CNBD1: variants seen among roughly 807,000 people sequenced by gnomAD.
CNBD1 encodes cyclic nucleotide-binding domain-containing protein 1.
A neutral mutation model predicts 54.4 loss-of-function variants in CNBD1; 71 were observed. The ratio of observed to expected loss-of-function variants is 1.30; its 90% CI spans 1.08 to 1.59. The LOEUF is 1.59. Ranked by LOEUF, CNBD1 falls within the 40% of genes most tolerant of loss-of-function variation. CNBD1 has a pLI of 0.00. For missense variants in CNBD1, 659 were observed against 518.0 expected (o/e 1.27, Z -2.64); for synonymous variants, 182 against 170.7 (o/e 1.07, Z -0.51).
At chr8:87,211,300 A>C (rs1158333390) in intron 5 of CNBD1, among the ~76,000 whole-genome samples, 1 of 152,122 alleles carries the variant, frequency 6.6e-6, no homozygotes, top group Non-Finnish European at 1.5e-5. Context: ...ATGGATTCAA[A>C]CTCAGATAAG....
intron 8 of CNBD1, among the ~76,000 whole-genome samples, chr8:87,328,562 TA>T (rs940777895): frequency 6.6e-6 from 1 of 152,046 alleles, no homozygotes; most frequent in African/African-American, 2.4e-5. Context: ...TCTTCTTTTT[TA>T]TCAAGATTGT....
chr8:87,007,928 T>A (rs931058000), intron 4 of CNBD1, among the ~76,000 whole-genome samples: 1 of 152,154 alleles, frequency 6.6e-6, no homozygotes, highest in African/African-American at 2.4e-5. Flanking sequence ...ACGTAATTCA[T>A]GTATGGGTAA....
At chr8:86,997,344 A>G (rs533321336) in intron 4 of CNBD1, among the ~76,000 whole-genome samples, 1 of 152,286 alleles carries the variant, frequency 6.6e-6, no homozygotes, top group East Asian at 1.9e-4. Flanking sequence ...TGCTGTTTTC[A>G]TCTTGCTCTT....
At chr8:87,118,514 A>T (rs927665066) in intron 4 of CNBD1, among the ~76,000 whole-genome samples, 4 of 152,132 alleles carry the variant, frequency 2.6e-5, no homozygotes, top group Admixed American at 6.6e-5. Context: ...CAGAAGGCAC[A>T]ATCAGTAGAG....
chr8:87,374,812 G>A (rs1022119207), intron 10 of CNBD1, among the ~76,000 whole-genome samples: 1 of 150,160 alleles, frequency 6.7e-6, no homozygotes, highest in Admixed American at 6.6e-5. Flanking sequence ...GAATTGCTCA[G>A]AAAAATAGCT....
Position 87,279,497 on chromosome 8 carries a change from T to C in CNBD1, c.772-5181T>C, listed in dbSNP as rs544875670. Among the ~76,000 whole-genome samples the C allele has an allele frequency of 1.8e-3, 270 of 151,490 alleles. 1 individual carries two copies. Among genetic ancestry groups the C allele is most frequent in the African/African-American group, 6.1e-3 (254 of 41,474 alleles). On this transcript the variant is annotated intron_variant, in intron 6 of 10. Transcript: ENST00000518476. ...TACCCTGTATGATTACCCACCTTAT[T>C]AGAAGGATACAGAAAGTTGCAAAGT...
intron 4 of CNBD1, among the ~76,000 whole-genome samples, chr8:86,956,571 G>A (rs1002424389): frequency 6.6e-6 from 1 of 152,064 alleles, no homozygotes; most frequent in African/African-American, 2.4e-5. Flanking sequence ...GGATTCCTAG[G>A]TATTTTATTC....
At chr8:87,006,621 C>T (rs1809103326) in intron 4 of CNBD1, among the ~76,000 whole-genome samples, 1 of 152,000 alleles carries the variant, frequency 6.6e-6, no homozygotes, top group Non-Finnish European at 1.5e-5. Context: ...GTAGGTGCCA[C>T]ACACTTTAAA....
At chr8:87,208,038 C>G (rs1814014935) in intron 5 of CNBD1, among the ~76,000 whole-genome samples, 1 of 152,104 alleles carries the variant, frequency 6.6e-6, no homozygotes, top group Non-Finnish European at 1.5e-5. Flanking sequence ...TCTCCTTTTT[C>G]TTTATTCATG....
rs1811107403 is a variant in CNBD1 at position 87,382,761 on chromosome 8, G to A, written c.*134G>A. The A allele has an allele frequency of 1.8e-6, 1 of 540,754 alleles. No individual in the cohort carries two copies. The highest frequency in any genetic ancestry group is 3.1e-6 in the Non-Finnish European group (1 of 320,522). 33.5% of individuals were successfully genotyped at this position (540,754 alleles called of 1,614,324 possible). A position where few individuals can be genotyped will look rare whatever the true frequency, so the allele number is the denominator to read the frequency against. ...TGACTACATATCCTGGATTCCCCAG[G>A]AAAGTCCCACTTTCGAATTGCCTTT... On this transcript the variant is annotated 3_prime_UTR_variant, in exon 11 of 11. Transcript: ENST00000518476.
intron 8 of CNBD1, among the ~76,000 whole-genome samples, chr8:87,304,222 A>G (rs1245309459): frequency 1.3e-5 from 2 of 151,886 alleles, no homozygotes; most frequent in Non-Finnish European, 2.9e-5. Flanking sequence ...AATAGCAAAG[A>G]CTTGGAACAA....
chr8:87,410,130 T>C (rs571836870), intron 2 of CNBD1, among the ~76,000 whole-genome samples: 18 of 152,130 alleles, frequency 1.2e-4, no homozygotes, highest in Non-Finnish European at 1.8e-4. Flanking sequence ...CTGAATATTT[T>C]AAGCCCAGAA....
intron 8 of CNBD1, among the ~76,000 whole-genome samples, chr8:87,312,814 A>T (rs1035161221): frequency 6.6e-6 from 1 of 152,060 alleles, no homozygotes; most frequent in Admixed American, 6.6e-5. Flanking sequence ...GGGTCAGTAC[A>T]GGGCAGCCAT....
chr8:87,342,211 T>G (rs1275275164), intron 8 of CNBD1, among the ~76,000 whole-genome samples: 1 of 151,756 alleles, frequency 6.6e-6, no homozygotes, highest in Non-Finnish European at 1.5e-5. Context: ...AGGCAGAGCT[T>G]GCAGTGAGCT....
At chr8:87,242,569 G>A (rs980934864) in intron 6 of CNBD1, among the ~76,000 whole-genome samples, 3 of 152,094 alleles carry the variant, frequency 2.0e-5, no homozygotes, top group Non-Finnish European at 4.4e-5. Flanking sequence ...ATCCACCTAT[G>A]ACTTAGAAGG....
intron 4 of CNBD1, among the ~76,000 whole-genome samples, chr8:86,970,088 A>T (rs1289656014): frequency 6.6e-6 from 1 of 152,004 alleles, no homozygotes. Flanking sequence ...TTTGGCAGTC[A>T]TTTTTATTTA....
At chr8:87,305,451 C>A (rs1809121938) in intron 8 of CNBD1, among the ~76,000 whole-genome samples, 1 of 151,980 alleles carries the variant, frequency 6.6e-6, no homozygotes, top group South Asian at 2.1e-4. Flanking sequence ...ATAGCCAAAG[C>A]AAGATTAAGC....
chr8:86,984,615 A>G (rs573048372), intron 4 of CNBD1, among the ~76,000 whole-genome samples: 16 of 152,322 alleles, frequency 1.1e-4, no homozygotes, highest in African/African-American at 3.4e-4. Flanking sequence ...TGTGACCTGT[A>G]TGTGAGACAT....
intron 6 of CNBD1, among the ~76,000 whole-genome samples, chr8:87,243,252 T>C (rs140052321): frequency 1.6e-3 from 248 of 152,308 alleles, no homozygotes; most frequent in African/African-American, 5.6e-3. Flanking sequence ...GAATATCTCA[T>C]TTCGTAAAGC....
Sources: allele counts gnomAD v4.1 joint callset (sites outside exome capture counted in the v4.1 genomes callset), GRCh38; gene constraint gnomAD v4.1.1; transcripts MANE v1.5; gene names NCBI Gene and HGNC (gene_info 2026-07-23, HGNC 2026-07-21).